The following PDE4B variants were observed in gnomAD, a reference collection of about 807,000 sequenced individuals.
The protein encoded by PDE4B is phosphodiesterase 4B.
Under a neutral mutation model 82.2 loss-of-function variants are expected in PDE4B, and 20 were observed. The observed-to-expected ratio is 0.24, with a 90% CI of 0.17 to 0.35. The LOEUF is 0.35. Among genes scored for constraint, PDE4B ranks in the 10% least tolerant of loss-of-function variants. PDE4B has a pLI of 1.00. For synonymous variants in PDE4B, 320 were observed against 318.9 expected (o/e 1.00, Z -0.04); for missense variants, 655 against 907.2 (o/e 0.72, Z 3.57).
chr1:65,895,967 A>ATAATAC (rs1646905982), intron 1 of PDE4B, among the ~76,000 whole-genome samples: 1 of 143,310 alleles, frequency 7.0e-6, no homozygotes, highest in African/African-American at 2.5e-5. Flanking sequence ...AATAATAATA[A>ATAATAC]TACTTCAAAT....
chr1:66,282,174 TC>T (rs1479272251), intron 7 of PDE4B, among the ~76,000 whole-genome samples: 2 of 152,206 alleles, frequency 1.3e-5, no homozygotes, highest in African/African-American at 4.8e-5. Flanking sequence ...TGTTTTTTTT[TC>T]CTCCAGATTC....
chr1:65,807,578 C>T (rs1336041308), intron 1 of PDE4B, among the ~76,000 whole-genome samples: 2 of 152,194 alleles, frequency 1.3e-5, no homozygotes, highest in East Asian at 1.9e-4. Flanking sequence ...TATGGTTTCA[C>T]CAACTGTCGA....
chr1:65,968,371 C>A (rs1649959705), intron 3 of PDE4B, among the ~76,000 whole-genome samples: 1 of 152,142 alleles, frequency 6.6e-6, no homozygotes. Context: ...AATGTCTTCT[C>A]TGTATGTCAG....
intron 3 of PDE4B, among the ~76,000 whole-genome samples, chr1:66,035,869 G>A (rs1191936355): frequency 6.6e-6 from 1 of 152,194 alleles, no homozygotes; most frequent in East Asian, 1.9e-4. Flanking sequence ...CAGTAGTGGG[G>A]ATTGCTGGAT....
intron 3 of PDE4B, among the ~76,000 whole-genome samples, chr1:66,095,849 T>C (rs1645103511): frequency 6.6e-6 from 1 of 152,086 alleles, no homozygotes; most frequent in East Asian, 1.9e-4. Flanking sequence ...ACAAATCAAC[T>C]ACTTTAACTG....
intron 3 of PDE4B, among the ~76,000 whole-genome samples, chr1:65,976,372 G>A (rs1225237271): frequency 4.6e-5 from 7 of 152,218 alleles, no homozygotes; most frequent in African/African-American, 1.7e-4. Flanking sequence ...TATTTTGGAA[G>A]TAATTAACTT....
intron 13 of PDE4B, 32 bp downstream of exon 13, chr1:66,365,798 T>A (rs1445941215): frequency 8.1e-7 from 1 of 1,236,672 alleles, no homozygotes; most frequent in Non-Finnish European, 1.2e-6. Flanking sequence ...TCATTCCAGA[T>A]AATTGTATGA....
chr1:66,206,126 A>G (rs879906619), intron 3 of PDE4B, among the ~76,000 whole-genome samples: 2 of 152,184 alleles, frequency 1.3e-5, no homozygotes, highest in Non-Finnish European at 2.9e-5. Flanking sequence ...CAGAACCTGT[A>G]CTGCTCCTCA....
chr1:66,242,912 A>G (rs1042532494), intron 3 of PDE4B, among the ~76,000 whole-genome samples: 1 of 152,232 alleles, frequency 6.6e-6, no homozygotes, highest in Non-Finnish European at 1.5e-5. Context: ...TGGCTTTGCA[A>G]GGATTCCCCA....
At chr1:65,947,060 A>G (rs138690744) in intron 3 of PDE4B, among the ~76,000 whole-genome samples, 24 of 152,072 alleles carry the variant, frequency 1.6e-4, no homozygotes, top group African/African-American at 5.8e-4. Context: ...AATACTTGCC[A>G]CTTTTTGCAC....
At chr1:66,103,670 T>A (rs1365092056) in intron 3 of PDE4B, among the ~76,000 whole-genome samples, 1 of 152,118 alleles carries the variant, frequency 6.6e-6, no homozygotes, top group African/African-American at 2.4e-5. Context: ...AATAAGGTAT[T>A]TCCATAGCAT....
chr1:66,045,114 G>A (rs888183802), intron 3 of PDE4B, among the ~76,000 whole-genome samples: 28 of 151,788 alleles, frequency 1.8e-4, no homozygotes, highest in African/African-American at 6.8e-4. Context: ...TTGTCACGAG[G>A]TGGAGCTTAC....
intron 7 of PDE4B, among the ~76,000 whole-genome samples, chr1:66,288,448 T>G (rs976840559): frequency 2.6e-5 from 4 of 152,170 alleles, no homozygotes; most frequent in Non-Finnish European, 5.9e-5. Flanking sequence ...TTATGAGGAT[T>G]AAATGAATAT....
intron 9 of PDE4B, among the ~76,000 whole-genome samples, chr1:66,357,997 G>A (rs1662394512): frequency 6.6e-6 from 1 of 152,112 alleles, no homozygotes; most frequent in Non-Finnish European, 1.5e-5. Flanking sequence ...GCCAGTGAAG[G>A]GCATGGAACT....
At chr1:66,219,182 T>C (rs1650758100) in intron 3 of PDE4B, among the ~76,000 whole-genome samples, 1 of 152,076 alleles carries the variant, frequency 6.6e-6, no homozygotes, top group South Asian at 2.1e-4. Flanking sequence ...TAATATGATT[T>C]CTCCTGGAAC....
At chr1:66,128,657 C>T (rs1379806366) in intron 3 of PDE4B, among the ~76,000 whole-genome samples, 1 of 152,064 alleles carries the variant, frequency 6.6e-6, no homozygotes, top group South Asian at 2.1e-4. Flanking sequence ...ATCTATTAGT[C>T]CATTTTCACA....
chr1:66,113,944 A>G (rs926643225), intron 3 of PDE4B, among the ~76,000 whole-genome samples: 5 of 152,204 alleles, frequency 3.3e-5, no homozygotes, highest in African/African-American at 1.2e-4. Flanking sequence ...GAGAGTAAGC[A>G]CTTCTACTAT....
chr1:66,350,766 T>C (rs1035624149), intron 8 of PDE4B, among the ~76,000 whole-genome samples: 3 of 152,160 alleles, frequency 2.0e-5, no homozygotes, highest in African/African-American at 7.2e-5. Context: ...CTCAAACTAA[T>C]TCTCCCATGA....
chr1:66,343,666 A>C (rs1473521632), intron 8 of PDE4B, among the ~76,000 whole-genome samples: 5 of 152,210 alleles, frequency 3.3e-5, no homozygotes, highest in Non-Finnish European at 7.3e-5. Flanking sequence ...TAAGGATGGA[A>C]GTGAAAAGCA....
Sources: gnomAD v4.1 joint callset for allele counts (sites outside exome capture counted in the v4.1 genomes callset) on GRCh38, gnomAD v4.1.1 for gene constraint, MANE v1.5 for transcripts, NCBI Gene and HGNC (gene_info 2026-07-23, HGNC 2026-07-21) for gene names.